The following ADAMTS15 variants were observed in gnomAD, a reference collection of about 807,000 sequenced individuals.
ADAMTS15 encodes the protein A disintegrin and metalloproteinase with thrombospondin motifs 15.
Under a neutral mutation model 79.1 loss-of-function variants are expected in ADAMTS15, and 35 were observed. The ratio of observed to expected loss-of-function variants is 0.44; its 90% CI spans 0.34 to 0.59. The LOEUF (loss-of-function observed/expected upper bound fraction) is 0.59. ADAMTS15 is among the 20% of genes least tolerant of loss of function. The pLI, the probability that ADAMTS15 is intolerant of heterozygous loss-of-function variation, is 0.02. For missense variants in ADAMTS15, 1,324 were observed against 1,318.7 expected (o/e 1.00, Z -0.06); for synonymous variants, 616 against 567.3 (o/e 1.09, Z -1.22).
chr11:130,471,026 C>T lies in ADAMTS15; in HGVS notation c.1827C>T (p.Gly609=), dbSNP rs764405782. ...TGGCATGGGTGCCCAAGTACTCCGG[C>T]GTGTCTCCCCGGGACAAGTGCAAGC... ...LAVAWVPKYS[G]VSPRDKCKLI... Residue 609 remains glycine (G), a synonymous_variant, in exon 6 of 8, where the codon GGC becomes GGT. Coordinates refer to ENST00000299164, the MANE Select transcript of ADAMTS15 (RefSeq NM_139055.4). 3.1e-6 allele frequency: 5 copies of T among 1,613,808 alleles called. No homozygotes were observed. Among genetic ancestry groups the T allele is most frequent in the Middle Eastern group, 1.6e-4 (1 of 6,062 alleles).
At chr11:130,463,609 C>T (rs1409597736) in intron 4 of ADAMTS15, among the ~76,000 whole-genome samples, 1 of 152,182 alleles carries the variant, frequency 6.6e-6, no homozygotes, top group Non-Finnish European at 1.5e-5. Flanking sequence ...AAAAAAGCAT[C>T]CACCAAGCAC....
intron 1 of ADAMTS15, among the ~76,000 whole-genome samples, chr11:130,454,800 G>A (rs1222318742): frequency 2.6e-5 from 4 of 152,198 alleles, no homozygotes; most frequent in African/African-American, 9.7e-5. Context: ...AATGTCAGCA[G>A]ATGGGGGAGG....
At chr11:130,470,162 A>ATATATATATATATGTGTG (rs1938406307) in intron 5 of ADAMTS15, among the ~76,000 whole-genome samples, 1 of 56,602 alleles carries the variant, frequency 1.8e-5, no homozygotes, top group Non-Finnish European at 3.3e-5. Flanking sequence ...GTGTATATAT[A>ATATATATATATATGTGTG]TATATATATA....
Position 130,474,033 on chromosome 11 carries a change from C to T in ADAMTS15, c.*212C>T. The T allele has an allele frequency of 1.6e-6, 1 of 639,438 alleles. No individual in the cohort carries two copies. The highest frequency in any genetic ancestry group is 2.5e-6 in the Non-Finnish European group (1 of 397,420). 39.6% of individuals were successfully genotyped at this position (639,438 alleles called of 1,614,324 possible). On this transcript the variant is annotated 3_prime_UTR_variant, in exon 8 of 8. Transcript: ENST00000299164. ...CCAGGAACTCCCGCACAGTCTACCTCAGGCCCCGCTCCTCGGGCCGGTTGC... is the reference window on the plus strand; with the variant it reads ...CCAGGAACTCCCGCACAGTCTACCTTAGGCCCCGCTCCTCGGGCCGGTTGC...
At chr11:130,471,128 A>G (rs1938446032) in intron 6 of ADAMTS15, 27 bp downstream of exon 6, 1 of 1,604,100 alleles carries the variant, frequency 6.2e-7, no homozygotes, top group African/African-American at 1.3e-5. Flanking sequence ...CCTGAGAACA[A>G]AGTAGGGACC....
In ADAMTS15 at chr11:130,473,063, G is replaced by A. The variant is rs1318520551; in HGVS notation, c.2095G>A (p.Val699Met). Reference sequence around the variant, plus strand: ...CCCCGCCAGGCATGGCTACAATTTCGTGGTGGCCATCCCCGCAGGCGCCTC... The same window carrying A: ...CCCCGCCAGGCATGGCTACAATTTCATGGTGGCCATCCCCGCAGGCGCCTC... Reference protein sequence around the residue: ...FTKPMHGYNFVVAIPAGASSI... With the variant: ...FTKPMHGYNFMVAIPAGASSI... The change falls in exon 8 of 8, where the codon GTG becomes ATG. Residue 699 changes from valine (V) to methionine (M), a missense_variant. Val to Met is a conservative substitution (Grantham distance 21). Coordinates refer to ENST00000299164, the MANE Select transcript of ADAMTS15 (RefSeq NM_139055.4). 14 of 1,613,406 alleles carry A rather than the reference G, an allele frequency of 8.7e-6. No homozygotes were observed. Among genetic ancestry groups the A allele is most frequent in the East Asian group, 4.5e-5 (2 of 44,870 alleles).
intron 5 of ADAMTS15, among the ~76,000 whole-genome samples, chr11:130,470,440 T>TTC (rs956624719): frequency 2.0e-5 from 3 of 151,374 alleles, no homozygotes; most frequent in African/African-American, 7.3e-5. Flanking sequence ...TGGTCTTGAA[T>TTC]CCCTGACCTC....
chr11:130,459,685 C>T (rs541877157), intron 1 of ADAMTS15, among the ~76,000 whole-genome samples: 109 of 152,328 alleles, frequency 7.2e-4, no homozygotes, highest in African/African-American at 2.4e-3. Context: ...CTGGTGCACC[C>T]GGGTTCAGGC....
At chr11:130,470,172 A>ATATG (rs1555081054) in intron 5 of ADAMTS15, among the ~76,000 whole-genome samples, 6 of 58,464 alleles carry the variant, frequency 1.0e-4, no homozygotes, top group African/African-American at 6.0e-4. Context: ...ATATATATAT[A>ATATG]TATATATATG....
chr11:130,472,985 G>A lies in ADAMTS15; in HGVS notation c.2079-62G>A, dbSNP rs1390917900. 3 of 1,571,554 alleles carry A rather than the reference G, an allele frequency of 1.9e-6. No individual in the cohort carries two copies. Among genetic ancestry groups the A allele is most frequent in the Non-Finnish European group, 2.6e-6 (3 of 1,157,580 alleles). On this transcript the variant is annotated intron_variant, in intron 7 of 7. Coordinates refer to ENST00000299164, the MANE Select transcript of ADAMTS15 (RefSeq NM_139055.4). The surrounding 1 kb of genome is among the most constrained non-coding windows in gnomAD (Gnocchi z 4.7). ...AGGTTTACTGAGGAAAACAGATCCT[G>A]GAGCATAAGGTCCTCAGGTCCAGGC...
chr11:130,458,094 AG>A (rs1312176522), intron 1 of ADAMTS15, among the ~76,000 whole-genome samples: 1 of 152,174 alleles, frequency 6.6e-6, no homozygotes, highest in African/African-American at 2.4e-5. Flanking sequence ...CACCCTCCCT[AG>A]GAGGAAGGAG....
intron 1 of ADAMTS15, chr11:130,450,305 C>T: frequency 1.0e-6 from 1 of 985,408 alleles, no homozygotes; most frequent in African/African-American, 1.7e-5. Context: ...GCGGGAACGG[C>T]CCACCCCTAT....
In ADAMTS15 at chr11:130,472,178, C is replaced by T. The variant is rs1187435559; in HGVS notation, c.2078+795C>T. ...GTTAGGGGTGGAGGCTATGGTTGGC[C>T]TAGAAAATTTGGGAGCCCAGGTGCT... On this transcript the variant is annotated intron_variant, in intron 7 of 7. Transcript: ENST00000299164. The surrounding 1 kb of genome is among the most constrained non-coding windows in gnomAD (Gnocchi z 4.7). Among the ~76,000 whole-genome samples, 1 of 152,206 alleles carries T rather than the reference C, an allele frequency of 6.6e-6. No homozygotes were observed. The highest frequency in any genetic ancestry group is 1.5e-5 in the Non-Finnish European group (1 of 68,028).
chr11:130,471,463 T>C, intron 7 of ADAMTS15, 80 bp downstream of exon 7: 1 of 1,501,048 alleles, frequency 6.7e-7, no homozygotes, highest in Non-Finnish European at 8.9e-7. Context: ...AAGCTTGGGT[T>C]AGACTGGGGT....
chr11:130,450,163 T>C, intron 1 of ADAMTS15: 4 of 985,468 alleles, frequency 4.1e-6, no homozygotes, highest in Non-Finnish European at 4.8e-6. Flanking sequence ...TCCGAAGGTG[T>C]TGGCCTGGCG....
Position 130,448,667 on chromosome 11 carries a change from C to T in ADAMTS15, c.-307C>T, listed in dbSNP as rs1937883384. Among the ~76,000 whole-genome samples, 1 of 152,216 alleles carries T rather than the reference C, an allele frequency of 6.6e-6. No homozygotes were observed. Among genetic ancestry groups the T allele is most frequent in the Non-Finnish European group, 1.5e-5 (1 of 68,038 alleles). On this transcript the variant is annotated 5_prime_UTR_variant, in exon 1 of 8. Coordinates refer to ENST00000299164, the MANE Select transcript of ADAMTS15 (RefSeq NM_139055.4). ...GCTGCGCTGCGAGTGGCTGCGGTTG[C>T]GAGAAGCCGCCCGGCACCTTCCGCT...
At position 130,449,419 on chromosome 11, in the gene ADAMTS15, G is replaced by T. The variant is rs367974617; in HGVS notation, c.446G>T (p.Arg149Leu). ...AATGCTAGCGCGCCGGCGGCGCAGC[G>T]CAACAGCCAGGGCGCACACCTTCTC... Reference protein sequence around the residue: ...LPNASAPAAQRNSQGAHLLQR... With the variant: ...LPNASAPAAQLNSQGAHLLQR... Residue 149 changes from arginine (R) to leucine (L), a missense_variant, in exon 1 of 8, where the codon CGC becomes CTC. By Grantham distance (102) the Arg-to-Leu change is moderately radical. Coordinates refer to ENST00000299164, the MANE Select transcript of ADAMTS15 (RefSeq NM_139055.4). The surrounding 1 kb of genome is among the most constrained non-coding windows in gnomAD (Gnocchi z 7.8). The T allele has an allele frequency of 6.3e-7, 1 of 1,596,408 alleles. No individual in the cohort carries two copies. Among genetic ancestry groups the T allele is most frequent in the Non-Finnish European group, 8.5e-7 (1 of 1,176,374 alleles).
rs779015975 is a variant in ADAMTS15, at chr11:130,449,139, C to A, written c.166C>A (p.Gln56Lys). The change falls in exon 1 of 8, where the codon CAG becomes AAG. Residue 56 changes from glutamine (Q) to lysine (K), a missense_variant. Coordinates refer to ENST00000299164, the MANE Select transcript of ADAMTS15 (RefSeq NM_139055.4). This position sits in a 1 kb window ranked among gnomAD's most constrained non-coding sequence, Gnocchi z 7.8. Reference protein sequence around the residue: ...EDSGDQGLIFQITAFQEDFYL... With the variant: ...EDSGDQGLIFKITAFQEDFYL... ...CTCCGGGGATCAGGGACTCATTTTTCAGATCACAGCATTTCAGGAGGACTT... is the reference window on the plus strand; with the variant it reads ...CTCCGGGGATCAGGGACTCATTTTTAAGATCACAGCATTTCAGGAGGACTT... The A allele has an allele frequency of 6.3e-7, 1 of 1,595,890 alleles. No individual in the cohort carries two copies. Among genetic ancestry groups the A allele is most frequent in the Non-Finnish European group, 8.6e-7 (1 of 1,168,588 alleles).
chr11:130,450,214 G>T, intron 1 of ADAMTS15: 1 of 985,464 alleles, frequency 1.0e-6, no homozygotes, highest in Non-Finnish European at 1.2e-6. Flanking sequence ...CGAGGGGCCG[G>T]AACCCAGGAA....
Sources: allele counts gnomAD v4.1 joint callset (sites outside exome capture counted in the v4.1 genomes callset), GRCh38; gene constraint gnomAD v4.1.1; non-coding constraint Gnocchi (gnomAD v3.1); transcripts MANE v1.5; gene names NCBI Gene and HGNC (gene_info 2026-07-23, HGNC 2026-07-21).